Variants in PTPRG observed in about 807,000 individuals in gnomAD.
PTPRG encodes receptor-type tyrosine-protein phosphatase gamma.
PTPRG carries 102 observed loss-of-function variants against 165.3 expected under a neutral mutation model. The ratio of observed to expected loss-of-function variants is 0.62; its 90% confidence interval spans 0.53 to 0.73. PTPRG has a LOEUF of 0.73. Among genes scored for constraint, PTPRG ranks in the 30% least tolerant of loss-of-function variants. The pLI is 0.00. For synonymous variants in PTPRG, 675 were observed against 669.5 expected (o/e 1.01, Z -0.13); for missense variants, 1,866 against 1,861.4 (o/e 1.00, Z -0.05).
At chr3:62,257,786 C>G (rs144448459) in intron 16 of PTPRG, among the ~76,000 whole-genome samples, 2 of 152,090 alleles carry the variant, frequency 1.3e-5, no homozygotes, top group Admixed American at 6.6e-5. Flanking sequence ...AAGACTCTGT[C>G]TCTACAAAAA....
At chr3:62,152,952 A>G (rs573315598) in intron 6 of PTPRG, among the ~76,000 whole-genome samples, 2 of 152,338 alleles carry the variant, frequency 1.3e-5, no homozygotes, top group South Asian at 4.1e-4. Flanking sequence ...TGGTTTTTAC[A>G]TTTAATTCCT....
At chr3:61,572,444 G>C (rs1250368816) in intron 1 of PTPRG, among the ~76,000 whole-genome samples, 3 of 152,180 alleles carry the variant, frequency 2.0e-5, no homozygotes, top group African/African-American at 7.2e-5. Context: ...TGTCTGGAAA[G>C]GAGAAATGGA....
chr3:61,925,826 C>T, intron 2 of PTPRG: 1 of 466,748 alleles, frequency 2.1e-6, no homozygotes, highest in Non-Finnish European at 4.3e-6. Context: ...GATTAGGATT[C>T]TTATAACTGG....
chr3:62,168,118 A>G lies in PTPRG; in HGVS notation c.988A>G (p.Met330Val). The G allele has an allele frequency of 1.2e-6, 2 of 1,614,142 alleles. No homozygotes were observed. Among genetic ancestry groups the G allele is most frequent in the Non-Finnish European group, 1.7e-6 (2 of 1,179,992 alleles). The part of the protein sequence containing the change: ...SAVRDSWNHD[M>V]TDFLENPLGT... ...CGTCCGTGACTCCTGGAACCACGAC[A>G]TGACAGACTTCTTAGAAAACCCACT... Residue 330 changes from methionine (M) to valine (V), a missense_variant, in exon 8 of 30, where the codon ATG (methionine) becomes GTG (valine). Met to Val is a conservative substitution (Grantham distance 21). Around this residue, in one of 3 missense-constraint regions of PTPRG, gnomAD observed 1,452 missense variants for 1,463.0 expected, o/e 0.99. Coordinates refer to ENST00000474889, the MANE Select transcript of PTPRG (RefSeq NM_002841.4).
At chr3:62,112,256 C>T (rs1702695677) in intron 5 of PTPRG, among the ~76,000 whole-genome samples, 1 of 152,124 alleles carries the variant, frequency 6.6e-6, no homozygotes. Flanking sequence ...AGGCACGCAC[C>T]ACCATGCGCA....
At chr3:61,891,094 T>C (rs1192827211) in intron 2 of PTPRG, among the ~76,000 whole-genome samples, 1 of 151,920 alleles carries the variant, frequency 6.6e-6, no homozygotes, top group Non-Finnish European at 1.5e-5. Flanking sequence ...CTGAGGTGGG[T>C]GGATCACGAG....
chr3:62,168,778 A>G (rs1001297537), intron 8 of PTPRG, among the ~76,000 whole-genome samples: 2 of 152,196 alleles, frequency 1.3e-5, no homozygotes, highest in African/African-American at 4.8e-5. Context: ...GTCTGTGGAC[A>G]GCTTAAGTGT....
chr3:61,971,869 A>G (rs138076012), intron 2 of PTPRG, among the ~76,000 whole-genome samples: 6 of 152,270 alleles, frequency 3.9e-5, no homozygotes, highest in Admixed American at 2.0e-4. Flanking sequence ...TTCAAGGAAG[A>G]AAAAACAAAA....
chr3:62,190,051 C>CCT lies in PTPRG; in HGVS notation c.1034-1416_1034-1415dup, dbSNP rs1400027339. Reference sequence around the variant, plus strand: ...AAAGCCCGAGCCACCTCTTCCTCTCCCTCCTCTCCCTCCATCCTGTCCTGG... The same window carrying CCT: ...AAAGCCCGAGCCACCTCTTCCTCTCCCTCTCCTCTCCCTCCATCCTGTCCTGG... On this transcript the variant is annotated intron_variant, in intron 8 of 29. Transcript: ENST00000474889. This position sits in a 1 kb window ranked among gnomAD's most constrained non-coding sequence, Gnocchi z 5.2. Among the ~76,000 whole-genome samples the CCT allele has an allele frequency of 6.6e-6, 1 of 152,190 alleles. No homozygotes were observed. The highest frequency in any genetic ancestry group is 1.5e-5 in the Non-Finnish European group (1 of 68,046).
chr3:61,680,722 C>T lies in PTPRG; in HGVS notation c.86-68156C>T, dbSNP rs187371280. Among the ~76,000 whole-genome samples, 77 of 150,458 alleles carry T rather than the reference C, an allele frequency of 5.1e-4. No individual in the cohort carries two copies. The East Asian group carries it at 0.012, about 24-fold the overall frequency. ...ATTGGTGAGCAAACTTTTCCTAGAG[C>T]TGTTTCTGGTTATCAGGTGTGGTAC... On this transcript the variant is annotated intron_variant, in intron 1 of 29. Coordinates refer to ENST00000474889, the MANE Select transcript of PTPRG (RefSeq NM_002841.4).
At chr3:61,605,576 T>A (rs1224051123) in intron 1 of PTPRG, among the ~76,000 whole-genome samples, 9 of 151,872 alleles carry the variant, frequency 5.9e-5, no homozygotes, top group East Asian at 1.9e-4. Flanking sequence ...TTTTTTTGTT[T>A]TTTTTATTTT....
chr3:62,271,793 CTTA>C lies in PTPRG; in HGVS notation c.3182+242_3182+244del, dbSNP rs1286004276. 7.9e-5 allele frequency among the ~76,000 whole-genome samples: 12 copies of C among 152,172 alleles called. No individual in the cohort carries two copies. Among genetic ancestry groups the C allele is most frequent in the Non-Finnish European group, 1.6e-4 (11 of 68,006 alleles). On this transcript the variant is annotated intron_variant, in intron 21 of 29. Transcript: ENST00000474889. This position sits in a 1 kb window ranked among gnomAD's most constrained non-coding sequence, Gnocchi z 4.1. ...CAATCCCTAGTTTTTATAAAATCTTCTTATTAATAATATCAGCCAGGCATGGAG... is the reference window on the plus strand; with the variant it reads ...CAATCCCTAGTTTTTATAAAATCTTCTTAATAATATCAGCCAGGCATGGAG...
At chr3:62,123,394 C>T (rs1703154645) in intron 5 of PTPRG, among the ~76,000 whole-genome samples, 2 of 152,184 alleles carry the variant, frequency 1.3e-5, no homozygotes, top group South Asian at 4.1e-4. Context: ...TATAGATGTG[C>T]ACCACCAAAC....
At chr3:61,992,247 G>GC (rs2040913837) in intron 3 of PTPRG, among the ~76,000 whole-genome samples, 1 of 109,550 alleles carries the variant, frequency 9.1e-6, no homozygotes, top group Non-Finnish European at 1.9e-5. Context: ...ATGCATTTTT[G>GC]CATTTTTTTT....
intron 16 of PTPRG, among the ~76,000 whole-genome samples, chr3:62,260,135 T>C (rs1207326757): frequency 6.6e-6 from 1 of 152,184 alleles, no homozygotes; most frequent in Admixed American, 6.5e-5. Flanking sequence ...ACTGGGTCAC[T>C]ACCATGACCT....
At chr3:61,806,120 A>T (rs923427420) in intron 2 of PTPRG, among the ~76,000 whole-genome samples, 1 of 152,144 alleles carries the variant, frequency 6.6e-6, no homozygotes, top group African/African-American at 2.4e-5. Context: ...ACTAAATATA[A>T]TTTTTTGTGC....
intron 1 of PTPRG, among the ~76,000 whole-genome samples, chr3:61,632,446 G>C (rs1701795412): frequency 6.6e-6 from 1 of 152,226 alleles, no homozygotes; most frequent in South Asian, 2.1e-4. Context: ...TTTGTTTCTA[G>C]AGAAAGAAAT....
Position 61,567,469 on chromosome 3 carries a change from C to G in PTPRG, c.85+5097C>G, listed in dbSNP as rs534036435. On this transcript the variant is annotated intron_variant, in intron 1 of 29. Transcript: ENST00000474889. ...GGAGGGTCACTTGAGCCCAGAAGTT[C>G]GAGACCAGCCAGGGCAACATAGGGA... 2.6e-5 allele frequency among the ~76,000 whole-genome samples: 4 copies of G among 152,078 alleles called. No individual in the cohort carries two copies. The East Asian group carries it at 7.8e-4, about 29-fold the overall frequency.
chr3:61,796,544 C>CT (rs1388563192), intron 2 of PTPRG, among the ~76,000 whole-genome samples: 5 of 152,266 alleles, frequency 3.3e-5, no homozygotes, highest in African/African-American at 1.2e-4. Flanking sequence ...CTCTGTGGTG[C>CT]TTTGTGTGCA....
Sources: allele counts gnomAD v4.1 joint callset (sites outside exome capture counted in the v4.1 genomes callset), GRCh38; gene constraint gnomAD v4.1.1; regional missense constraint gnomAD v4.1.1; non-coding constraint Gnocchi (gnomAD v3.1); transcripts MANE v1.5; gene names NCBI Gene and HGNC (gene_info 2026-07-23, HGNC 2026-07-21).